ARHGEF3: variants seen among roughly 807,000 people sequenced by gnomAD.
The protein encoded by ARHGEF3 is 59.8 kDA protein.
Under a neutral mutation model 63.2 loss-of-function variants are expected in ARHGEF3, and 28 were observed. The observed-to-expected ratio is 0.44, with a 90% CI of 0.33 to 0.61. The LOEUF is 0.61. Among genes scored for constraint, ARHGEF3 ranks in the 20% least tolerant of loss-of-function variants. The pLI is 0.03. For missense variants in ARHGEF3, 533 were observed against 659.3 expected (o/e 0.81, Z 2.10); for synonymous variants, 266 against 254.2 (o/e 1.05, Z -0.44).
At chr3:56,835,518 C>T (rs886537580) in intron 4 of ARHGEF3, among the ~76,000 whole-genome samples, 15 of 152,044 alleles carry the variant, frequency 9.9e-5, no homozygotes, top group South Asian at 4.2e-4. Flanking sequence ...CCCTATTTCA[C>T]GCATTAAAAT....
intron 2 of ARHGEF3, among the ~76,000 whole-genome samples, chr3:56,972,350 C>T (rs139405127): frequency 0.012 from 1,830 of 152,184 alleles, 28 homozygotes; most frequent in Middle Eastern, 0.027. Flanking sequence ...TAAAGCACTG[C>T]GCCAACTACC....
chr3:57,074,199 A>C (rs141941762), intron 1 of ARHGEF3: 1 of 1,613,976 alleles, frequency 6.2e-7, no homozygotes, highest in African/African-American at 1.3e-5. Flanking sequence ...ACTGACATTT[A>C]CTGAGGGCTG....
rs543457175 is a variant in ARHGEF3, at chr3:56,838,941, G to A, written c.192+43351C>T. On this transcript the variant is annotated intron_variant, in intron 4 of 12. Coordinates refer to the ARHGEF3 transcript ENST00000338458. ...GCCCAGGAGTTCAAGACCAGCCTAG[G>A]CAACATAGTGAGACCCCCCTATCTC... is the stretch of plus-strand genomic sequence containing the variant. 1.3e-3 allele frequency among the ~76,000 whole-genome samples: 160 copies of A among 121,452 alleles called. 1 individual carries two copies. The South Asian group carries it at 0.019, about 15-fold the overall frequency. The allele number at this position is 121,452 out of a possible 152,430, so 79.7% of individuals were successfully genotyped here. A position where few individuals can be genotyped will look rare whatever the true frequency, so the allele number is the denominator to read the frequency against.
At chr3:56,969,702 G>A (rs1218712997) in intron 2 of ARHGEF3, among the ~76,000 whole-genome samples, 2 of 146,796 alleles carry the variant, frequency 1.4e-5, no homozygotes, top group Admixed American at 7.0e-5. Context: ...ACCAGGGACC[G>A]AGATCGCACC....
intron 2 of ARHGEF3, among the ~76,000 whole-genome samples, chr3:56,970,043 G>C (rs1700841006): frequency 6.6e-6 from 1 of 152,200 alleles, no homozygotes; most frequent in Admixed American, 6.5e-5. Flanking sequence ...GGAAGAGGAG[G>C]AATGAGGAGT....
chr3:57,071,260 T>G (rs1705885072), intron 1 of ARHGEF3, among the ~76,000 whole-genome samples: 1 of 152,186 alleles, frequency 6.6e-6, no homozygotes, highest in Admixed American at 6.6e-5. Flanking sequence ...GATTTCCATA[T>G]GCAAAAAATG....
intron 1 of ARHGEF3, chr3:57,074,688 T>C: frequency 5.1e-6 from 1 of 194,528 alleles, no homozygotes; most frequent in Non-Finnish European, 1.2e-5. Flanking sequence ...TCTGGGTAAG[T>C]GCCACTAGGT....
At chr3:56,762,766 G>GAA (rs909954254) in intron 2 of ARHGEF3, among the ~76,000 whole-genome samples, 1 of 152,118 alleles carries the variant, frequency 6.6e-6, no homozygotes, top group Non-Finnish European at 1.5e-5. Context: ...ACTGTAAGAG[G>GAA]AAAAAACTCT....
intron 1 of ARHGEF3, chr3:57,074,008 C>T: frequency 6.2e-7 from 1 of 1,614,164 alleles, no homozygotes; most frequent in East Asian, 2.2e-5. Flanking sequence ...CTGGGAAGAC[C>T]CTCTTCACCT....
chr3:56,737,083 C>A (rs2033673621), intron 8 of ARHGEF3, 102 bp downstream of exon 8: 1 of 1,271,358 alleles, frequency 7.9e-7, no homozygotes, highest in South Asian at 1.9e-5. Context: ...CAAAAAAGAA[C>A]ATGACCCTAG....
intron 2 of ARHGEF3, among the ~76,000 whole-genome samples, chr3:56,967,597 T>C: frequency 1.1e-5 from 1 of 88,932 alleles, no homozygotes; most frequent in South Asian, 3.6e-4. Flanking sequence ...TATTTAATTA[T>C]ATATTATATA....
At chr3:56,909,922 G>A (rs2041810575) in intron 3 of ARHGEF3, among the ~76,000 whole-genome samples, 1 of 152,082 alleles carries the variant, frequency 6.6e-6, no homozygotes, top group South Asian at 2.1e-4. Context: ...TACCAACTCT[G>A]AGCCTACATC....
chr3:57,077,093 G>A (rs990352033), intron 1 of ARHGEF3, among the ~76,000 whole-genome samples: 4 of 152,154 alleles, frequency 2.6e-5, no homozygotes, highest in East Asian at 3.8e-4. Flanking sequence ...AGGGAACAGC[G>A]TGTGCAAAGG....
chr3:56,753,365 T>C (rs570363415), intron 4 of ARHGEF3, 139 bp downstream of exon 4: 4 of 712,456 alleles, frequency 5.6e-6, no homozygotes, highest in African/African-American at 3.6e-5. Flanking sequence ...TTTGAAACAC[T>C]TTCCCCACTG....
At chr3:56,989,267 G>A (rs187176583) in intron 2 of ARHGEF3, among the ~76,000 whole-genome samples, 72 of 151,842 alleles carry the variant, frequency 4.7e-4, no homozygotes, top group African/African-American at 1.7e-3. Context: ...AGGTCAAGGA[G>A]CATTTTATTC....
At chr3:57,007,777 A>G (rs961275226) in intron 2 of ARHGEF3, among the ~76,000 whole-genome samples, 2 of 152,330 alleles carry the variant, frequency 1.3e-5, no homozygotes, top group East Asian at 1.9e-4. Flanking sequence ...TTGCAAAAAT[A>G]AAACTTCTCT....
At chr3:56,808,967 G>T (rs1559959045) in intron 4 of ARHGEF3, among the ~76,000 whole-genome samples, 2 of 152,192 alleles carry the variant, frequency 1.3e-5, no homozygotes, top group Admixed American at 6.5e-5. Context: ...AGAGAGAGTG[G>T]TCCTGAAATA....
chr3:56,977,072 A>G lies in ARHGEF3; in HGVS notation c.63-18183T>C, dbSNP rs183691789. On this transcript the variant is annotated intron_variant, in intron 2 of 12. Coordinates refer to the ARHGEF3 transcript ENST00000338458. ...AGGGGCCCTGTGGAATAAGGGCTGT[A>G]ACAGATGAGGAAGCTGTGGCACTGA... Among the ~76,000 whole-genome samples, 101 of 152,228 alleles carry G rather than the reference A, an allele frequency of 6.6e-4. 1 individual carries two copies. The highest frequency in any genetic ancestry group is 1.3e-3 in the Non-Finnish European group (86 of 67,996).
intron 4 of ARHGEF3, among the ~76,000 whole-genome samples, chr3:56,826,536 T>C (rs2038718411): frequency 6.6e-6 from 1 of 152,194 alleles, no homozygotes; most frequent in African/African-American, 2.4e-5. Flanking sequence ...CCATGAGGGC[T>C]AAGGAATTAT....
Sources: gnomAD v4.1 joint callset for allele counts (sites outside exome capture counted in the v4.1 genomes callset) on GRCh38, gnomAD v4.1.1 for gene constraint, MANE v1.5 for transcripts, NCBI Gene and HGNC (gene_info 2026-07-23, HGNC 2026-07-21) for gene names.